MDN1: variants seen among roughly 807,000 people sequenced by gnomAD.
MDN1 encodes midasin AAA ATPase 1.
In MDN1, 266 loss-of-function variants were observed where a neutral mutation model predicts 669.2. The ratio of observed to expected loss-of-function variants is 0.40; its 90% CI spans 0.36 to 0.44. MDN1 has a LOEUF of 0.44. Among genes scored for constraint, MDN1 ranks in the 20% least tolerant of loss-of-function variants. The pLI is 1.00. For missense variants in MDN1, 5,940 were observed against 6,754.0 expected (o/e 0.88, Z 4.22); for synonymous variants, 2,385 against 2,457.1 (o/e 0.97, Z 0.87).
chr6:89,668,242 A>G, intron 83 of MDN1, 91 bp from the exon 84 acceptor site: 1 of 1,471,244 alleles, frequency 6.8e-7, no homozygotes, highest in Non-Finnish European at 9.3e-7. Flanking sequence ...CAATTTAAAC[A>G]CATACTGAAT....
intron 11 of MDN1, among the ~76,000 whole-genome samples, 157 bp from the exon 12 acceptor site, chr6:89,776,852 T>C (rs1363195018): frequency 2.0e-5 from 3 of 152,122 alleles, no homozygotes; most frequent in African/African-American, 2.4e-5. Context: ...AACCCAGGAC[T>C]GAGGACCTGA....
Position 89,737,194 on chromosome 6 carries a change from G to A in MDN1, c.4723+1132C>T, listed in dbSNP as rs775421039. On this transcript the variant is annotated intron_variant, in intron 33 of 101. Transcript: ENST00000369393. ...GTACCTATAAATGTGGCAGTTCACC[G>A]TGGGCCATTCCTAAAAAGAAGTCTT... Among the ~76,000 whole-genome samples the A allele has an allele frequency of 5.8e-4, 88 of 152,176 alleles. 1 individual carries two copies. The highest frequency in any genetic ancestry group is 2.0e-3 in the African/African-American group (81 of 41,530).
At chr6:89,659,738 G>A (rs762434818) in intron 88 of MDN1, among the ~76,000 whole-genome samples, 2 of 152,080 alleles carry the variant, frequency 1.3e-5, no homozygotes, top group Non-Finnish European at 2.9e-5. Flanking sequence ...GTGAATAACT[G>A]GTGGATGTCA....
chr6:89,701,801 G>C (rs983937537), intron 54 of MDN1, 103 bp downstream of exon 54: 1 of 1,521,010 alleles, frequency 6.6e-7, no homozygotes, highest in African/African-American at 1.4e-5. Flanking sequence ...TATGCCAAGG[G>C]AATAAACCAA....
intron 48 of MDN1, 92 bp from the exon 49 acceptor site, chr6:89,712,348 G>T: frequency 5.6e-6 from 7 of 1,245,146 alleles, no homozygotes; most frequent in Non-Finnish European, 6.8e-6. Flanking sequence ...ACAAATATTG[G>T]ATCAAAGGTA....
rs1814314060 is a variant in MDN1 at position 89,715,663 on chromosome 6, G to A, written c.6850C>T (p.Pro2284Ser). The stretch of plus-strand genomic sequence containing the variant: ...AAGAGATACAAATACCTGAAATTGG[G>A]ATTTGGTGTTATCGTGGGAGTGGAT... ...DGSTPTITPN[P>S]NFRLFLSMDP... The change falls in exon 45 of 102, where the codon CCC becomes TCC. Residue 2284 changes from proline to serine, a missense_variant. By Grantham distance (74) the Pro-to-Ser change is moderately conservative (BLOSUM62 -1). This residue lies in a region of MDN1 where 2,292 missense variants were observed against 2,638.3 expected (regional missense o/e 0.87). Coordinates refer to ENST00000369393, the MANE Select transcript of MDN1 (RefSeq NM_014611.3). The A allele has an allele frequency of 6.3e-7, 1 of 1,595,924 alleles. No individual in the cohort carries two copies. Among genetic ancestry groups the A allele is most frequent in the Admixed American group, 1.7e-5 (1 of 59,970 alleles).
chr6:89,644,119 T>A lies in MDN1; in HGVS notation c.16677A>T (p.Glu5559Asp), dbSNP rs748461041. ...GEMPEIRSYMEEFPFPYYIIL... is the reference protein window; with the variant it reads ...GEMPEIRSYMDEFPFPYYIIL... ...TGATATAGTATGGGAATGGGAACTC[T>A]TCCATGTAGGATCGGATTTCAGGCA... Residue 5559 changes from glutamate (E) to aspartate (D), a missense_variant, in exon 102 of 102, where the codon GAA (glutamate) becomes GAT (aspartate). By Grantham distance (45) the Glu-to-Asp change is conservative (BLOSUM62 2). Around this residue, in one of 5 missense-constraint regions of MDN1, gnomAD observed 2,280 missense variants for 2,576.3 expected, o/e 0.88. Coordinates refer to ENST00000369393, the MANE Select transcript of MDN1 (RefSeq NM_014611.3). 2 of 1,614,028 alleles carry A rather than the reference T, an allele frequency of 1.2e-6. No homozygotes were observed. Among genetic ancestry groups the A allele is most frequent in the Non-Finnish European group, 1.7e-6 (2 of 1,180,006 alleles).
intron 27 of MDN1, among the ~76,000 whole-genome samples, chr6:89,746,701 G>GA (rs939751690): frequency 2.6e-5 from 4 of 151,374 alleles, no homozygotes; most frequent in Non-Finnish European, 4.4e-5. Context: ...TACAAGTAGA[G>GA]AAAAAATCTC....
chr6:89,798,621 G>A (rs565669158), intron 2 of MDN1, among the ~76,000 whole-genome samples: 2 of 152,228 alleles, frequency 1.3e-5, no homozygotes, highest in East Asian at 1.9e-4. Flanking sequence ...ATAATTTAGC[G>A]CAAGCTAAAA....
chr6:89,786,424 C>G (rs1818960874), intron 8 of MDN1, among the ~76,000 whole-genome samples: 2 of 151,800 alleles, frequency 1.3e-5, no homozygotes, highest in Non-Finnish European at 2.9e-5. Context: ...GATTCCATCT[C>G]TAAAATAATA....
At chr6:89,664,726 T>G (rs180812963) in intron 84 of MDN1, 98 bp from the exon 85 acceptor site, 1 of 925,470 alleles carries the variant, frequency 1.1e-6, no homozygotes, top group African/African-American at 1.7e-5. Context: ...TAAAAATATA[T>G]CTGGGAGAGG....
rs1808314222 is a variant in MDN1 at position 89,643,972 on chromosome 6, A to G, written c.*33T>C. On this transcript the variant is annotated 3_prime_UTR_variant, in exon 102 of 102. Coordinates refer to ENST00000369393, the MANE Select transcript of MDN1 (RefSeq NM_014611.3). Reference sequence around the variant, plus strand: ...GTAAGCAATGTGACCTTCTGACCACAGTTAAGTCTCACTTTGGACTCTTCT... The same window carrying G: ...GTAAGCAATGTGACCTTCTGACCACGGTTAAGTCTCACTTTGGACTCTTCT... 1.3e-6 allele frequency: 2 copies of G among 1,547,500 alleles called. No homozygotes were observed. Among genetic ancestry groups the G allele is most frequent in the Admixed American group, 3.9e-5 (2 of 51,318 alleles).
rs772877569 is a variant in MDN1, at chr6:89,700,770, C to A, written c.8514G>T (p.Glu2838Asp). The A allele has an allele frequency of 3.1e-6, 5 of 1,614,200 alleles. No individual in the cohort carries two copies. In the Middle Eastern group the frequency reaches 4.9e-4, roughly 160 times the overall value. ...GGTTAATGTCTTCCTGCCATCCACT[C>A]TCCCCAAGGGCAGACATCTGCTCCC... ...AIREQMSALGESGWQEDINRL... is the reference protein window; with the variant it reads ...AIREQMSALGDSGWQEDINRL... Residue 2838 changes from glutamate (E) to aspartate (D), a missense_variant, in exon 56 of 102, where the codon GAG becomes GAT. Glu to Asp is a conservative substitution (Grantham distance 45). Coordinates refer to ENST00000369393, the MANE Select transcript of MDN1 (RefSeq NM_014611.3).
In MDN1 at chr6:89,781,359, A is replaced by G; in HGVS notation, c.1643+40T>C. 6 of 1,592,460 alleles carry G rather than the reference A, an allele frequency of 3.8e-6. No individual in the cohort carries two copies. The South Asian group carries it at 6.6e-5, about 18-fold the overall frequency. On this transcript the variant is annotated intron_variant, in intron 10 of 101. Transcript: ENST00000369393. ...GAGCAGGAATCTGTCTCACAAAAAA[A>G]AAAGAAAGAAAGAAAAGAAAAAACT... is the stretch of plus-strand genomic sequence containing the variant.
chr6:89,686,586 T>A (rs994835132), intron 69 of MDN1, among the ~76,000 whole-genome samples: 1 of 152,230 alleles, frequency 6.6e-6, no homozygotes. Context: ...GGCTACTACC[T>A]ACCAAAAAGT....
At position 89,662,142 on chromosome 6, in the gene MDN1, G is replaced by A; in HGVS notation, c.14510C>T (p.Ala4837Val). ...QQDKKEEKEEAEADDGGQGED... is the reference protein window; with the variant it reads ...QQDKKEEKEEVEADDGGQGED... ...ACCTTGTCCACCATCATCAGCTTCT[G>A]CTTCTTCCTTTTCTTCCTTCTTATC... The change falls in exon 87 of 102, where the codon GCA (alanine) becomes GTA (valine). Residue 4837 changes from alanine to valine, a missense_variant. Around this residue, in one of 5 missense-constraint regions of MDN1, gnomAD observed 2,280 missense variants for 2,576.3 expected, o/e 0.88. Transcript: ENST00000369393. 1 of 1,613,964 alleles carries A rather than the reference G, an allele frequency of 6.2e-7. No homozygotes were observed.
intron 64 of MDN1, 89 bp downstream of exon 64, chr6:89,690,584 A>G (rs543958450): frequency 4.7e-6 from 7 of 1,485,472 alleles, no homozygotes; most frequent in East Asian, 4.5e-5. Flanking sequence ...AGAGAGAGAG[A>G]TAAAGAGGAA....
intron 60 of MDN1, 32 bp from the exon 61 acceptor site, chr6:89,696,024 T>G (rs1262404490): frequency 3.2e-6 from 5 of 1,568,724 alleles, no homozygotes; most frequent in Non-Finnish European, 4.3e-6. Flanking sequence ...ACTGAAAGGT[T>G]TGTACTGTAT....
At chr6:89,787,807 C>T (rs371585253) in intron 8 of MDN1, 47 bp downstream of exon 8, 170 of 1,447,066 alleles carry the variant, frequency 1.2e-4, no homozygotes, top group Middle Eastern at 1.7e-4. Context: ...TGCAGACTTA[C>T]GAGTAAGTGG....
Sources: allele counts gnomAD v4.1 joint callset (sites outside exome capture counted in the v4.1 genomes callset), GRCh38; gene constraint gnomAD v4.1.1; regional missense constraint gnomAD v4.1.1; transcripts MANE v1.5; gene names NCBI Gene and HGNC (gene_info 2026-07-23, HGNC 2026-07-21).